The following ADAMTSL3 variants were observed in gnomAD, a reference collection of about 807,000 sequenced individuals.
ADAMTSL3 encodes the protein ADAMTS-like protein 3.
Under a neutral mutation model 201.7 loss-of-function variants are expected in ADAMTSL3, and 128 were observed. The observed-to-expected ratio is 0.63, with a 90% confidence interval of 0.55 to 0.73. ADAMTSL3 has a LOEUF of 0.73. ADAMTSL3 is among the 30% of genes least tolerant of loss of function. The pLI is 0.00. For missense variants in ADAMTSL3, 1,990 were observed against 2,119.6 expected, an observed-to-expected ratio of 0.94 and a Z score of 1.20; for synonymous variants, 738 against 748.4, an observed-to-expected ratio of 0.99 and a Z score of 0.23.
At chr15:83,918,836 G>A (rs2066084043) in intron 16 of ADAMTSL3, among the ~76,000 whole-genome samples, 1 of 152,172 alleles carries the variant, frequency 6.6e-6, no homozygotes, top group African/African-American at 2.4e-5. Flanking sequence ...GATTGGAAAG[G>A]ATAAGGATGT....
At chr15:83,793,964 T>G (rs1400366228) in intron 4 of ADAMTSL3, among the ~76,000 whole-genome samples, 3 of 152,108 alleles carry the variant, frequency 2.0e-5, no homozygotes, top group Non-Finnish European at 4.4e-5. Flanking sequence ...ATATCAACAA[T>G]TAAAAATCAA....
At chr15:84,025,589 T>C (rs763974733) in intron 27 of ADAMTSL3, 153 bp downstream of exon 27, 42 of 741,052 alleles carry the variant, frequency 5.7e-5, no homozygotes, top group Non-Finnish European at 8.6e-5. Flanking sequence ...CCTCAAGGTT[T>C]ACATTTAGAA....
intron 7 of ADAMTSL3, among the ~76,000 whole-genome samples, chr15:83,847,490 G>A (rs970339637): frequency 2.1e-5 from 3 of 140,736 alleles, no homozygotes; most frequent in African/African-American, 8.6e-5. Flanking sequence ...TACCATGCCA[G>A]GTAACTTTTT....
chr15:83,844,137 C>A (rs1462302444), intron 7 of ADAMTSL3, among the ~76,000 whole-genome samples: 3 of 152,192 alleles, frequency 2.0e-5, no homozygotes, highest in African/African-American at 7.2e-5. Context: ...CTTGTCTATT[C>A]TAAGCTTTTT....
intron 19 of ADAMTSL3, among the ~76,000 whole-genome samples, chr15:83,960,810 C>T (rs1039617134): frequency 6.6e-6 from 1 of 152,160 alleles, no homozygotes; most frequent in African/African-American, 2.4e-5. Context: ...TCTCCTAGCT[C>T]GTTTCTCCCA....
chr15:83,952,803 C>G (rs1165429463), intron 19 of ADAMTSL3, among the ~76,000 whole-genome samples: 1 of 129,342 alleles, frequency 7.7e-6, no homozygotes, highest in South Asian at 2.4e-4. Flanking sequence ...AAGATTCCAC[C>G]TCAAAAAAAA....
intron 4 of ADAMTSL3, among the ~76,000 whole-genome samples, chr15:83,801,651 A>ATATATATATAT (rs2063518564): frequency 2.6e-4 from 8 of 31,272 alleles, no homozygotes; most frequent in Non-Finnish European, 4.7e-4. Context: ...TATAAATATA[A>ATATATATATAT]ATATATATAT....
intron 8 of ADAMTSL3, 61 bp downstream of exon 8, chr15:83,858,901 A>AT: frequency 7.2e-7 from 1 of 1,379,858 alleles, no homozygotes; most frequent in Non-Finnish European, 1.0e-6. Flanking sequence ...GCCAAAAAAA[A>AT]CAAAAAACAA....
chr15:83,704,817 A>G (rs1284781223), intron 3 of ADAMTSL3, among the ~76,000 whole-genome samples: 1 of 152,164 alleles, frequency 6.6e-6, no homozygotes, highest in Non-Finnish European at 1.5e-5. Context: ...AAATTATCCA[A>G]AATTCTGTTT....
chr15:83,872,627 C>CAG (rs111564921), intron 9 of ADAMTSL3, among the ~76,000 whole-genome samples: 34 of 141,020 alleles, frequency 2.4e-4, no homozygotes, highest in South Asian at 1.3e-3. Context: ...CACACACACA[C>CAG]AGAGTTTTTG....
At chr15:84,027,588 T>A (rs949911679) in intron 27 of ADAMTSL3, among the ~76,000 whole-genome samples, 10 of 152,102 alleles carry the variant, frequency 6.6e-5, no homozygotes, top group Non-Finnish European at 1.3e-4. Flanking sequence ...CGGGTGCCTG[T>A]AGTCCCGGCT....
intron 9 of ADAMTSL3, among the ~76,000 whole-genome samples, chr15:83,877,658 G>C (rs2065201292): frequency 6.6e-6 from 1 of 152,042 alleles, no homozygotes; most frequent in Non-Finnish European, 1.5e-5. Flanking sequence ...AATTGCATTG[G>C]ATCTGTATGT....
chr15:83,701,710 C>A (rs530936679), intron 2 of ADAMTSL3, among the ~76,000 whole-genome samples: 2 of 152,316 alleles, frequency 1.3e-5, no homozygotes, highest in African/African-American at 4.8e-5. Context: ...CCTTTTGCCT[C>A]CTGCCATGAT....
intron 4 of ADAMTSL3, among the ~76,000 whole-genome samples, chr15:83,800,460 C>T (rs2063499648): frequency 6.6e-6 from 1 of 152,094 alleles, no homozygotes. Flanking sequence ...CATTGCTCTA[C>T]ACATGGTCTA....
intron 9 of ADAMTSL3, among the ~76,000 whole-genome samples, chr15:83,883,425 A>G (rs1178878345): frequency 1.3e-5 from 2 of 151,934 alleles, no homozygotes; most frequent in Admixed American, 1.3e-4. Flanking sequence ...TGCCTGCCTC[A>G]GCTTCCCAAA....
intron 19 of ADAMTSL3, among the ~76,000 whole-genome samples, chr15:83,967,465 C>T (rs2067110989): frequency 6.6e-6 from 1 of 152,160 alleles, no homozygotes; most frequent in African/African-American, 2.4e-5. Context: ...AGGAATACAG[C>T]TTACAAGGAT....
intron 15 of ADAMTSL3, among the ~76,000 whole-genome samples, chr15:83,900,119 T>A (rs2065695324): frequency 6.6e-6 from 1 of 152,224 alleles, no homozygotes; most frequent in South Asian, 2.1e-4. Context: ...TAAGTTGAAA[T>A]GCATTAGTCG....
intron 2 of ADAMTSL3, among the ~76,000 whole-genome samples, chr15:83,674,766 C>CATACAT (rs760271207): frequency 2.9e-5 from 2 of 68,952 alleles, no homozygotes; most frequent in Admixed American, 1.7e-4. Context: ...CACATATATA[C>CATACAT]ATATATATAT....
At chr15:84,036,652 C>T (rs567692027) in intron 28 of ADAMTSL3, 121 bp from the exon 29 acceptor site, 6 of 708,832 alleles carry the variant, frequency 8.5e-6, no homozygotes, top group East Asian at 5.4e-5. Flanking sequence ...TGGTCTTAGA[C>T]TCTCCATCCA....
Sources: allele counts gnomAD v4.1 joint callset (sites outside exome capture counted in the v4.1 genomes callset), GRCh38; gene constraint gnomAD v4.1.1; transcripts MANE v1.5; gene names NCBI Gene and HGNC (gene_info 2026-07-23, HGNC 2026-07-21).